HIPK3: variants seen among roughly 807,000 people sequenced by gnomAD.
HIPK3 encodes homeodomain-interacting protein kinase 3.
A neutral mutation model predicts 124.2 loss-of-function variants in HIPK3; 47 were observed. That is an observed-to-expected ratio of 0.38 (90% confidence interval 0.30 to 0.48). The LOEUF (loss-of-function observed/expected upper bound fraction) is 0.48, where lower values mean the gene tolerates loss of function less well. Among genes scored for constraint, HIPK3 ranks in the 20% least tolerant of loss-of-function variants. The pLI, the probability that HIPK3 is intolerant of heterozygous loss-of-function variation, is 0.98. For synonymous variants in HIPK3, 482 were observed against 515.2 expected (o/e 0.94, Z 0.87); for missense variants, 1,286 against 1,454.3 (o/e 0.88, Z 1.88).
intron 1 of HIPK3, among the ~76,000 whole-genome samples, chr11:33,285,872 A>G (rs1334550152): frequency 2.6e-5 from 4 of 152,112 alleles, no homozygotes; most frequent in Middle Eastern, 3.4e-3. Context: ...CCCAGGTTCA[A>G]GCGATTCTCC....
At chr11:33,348,909 C>A in intron 13 of HIPK3, 91 bp downstream of exon 13, 2 of 1,240,558 alleles carry the variant, frequency 1.6e-6, no homozygotes, top group Non-Finnish European at 2.2e-6. Context: ...TCTTGTTTGT[C>A]AATGTACTCT....
chr11:33,303,324 A>G (rs1270668833), intron 2 of HIPK3, among the ~76,000 whole-genome samples: 7 of 152,146 alleles, frequency 4.6e-5, no homozygotes, highest in Non-Finnish European at 8.8e-5. Context: ...ATTTACAAGG[A>G]AAAAAAGTCT....
At chr11:33,291,972 C>T (rs1312934882) in intron 2 of HIPK3, among the ~76,000 whole-genome samples, 1 of 152,154 alleles carries the variant, frequency 6.6e-6, no homozygotes, top group East Asian at 1.9e-4. Context: ...TCTTTCATGG[C>T]ATTCTTACCT....
chr11:33,292,708 A>T (rs1375735503), intron 2 of HIPK3, among the ~76,000 whole-genome samples: 2 of 152,174 alleles, frequency 1.3e-5, no homozygotes, highest in Admixed American at 6.5e-5. Context: ...GTTTAGTTTT[A>T]ATAGAAGATT....
upstream of HIPK3, among the ~76,000 whole-genome samples, chr11:33,257,167 G>C (rs996284268): frequency 6.6e-6 from 1 of 152,102 alleles, no homozygotes; most frequent in East Asian, 1.9e-4. Flanking sequence ...TCCGGGTTGG[G>C]GCCGCACGGG....
Position 33,351,636 on chromosome 11 carries a change from T to C in HIPK3, c.2836T>C (p.Cys946Arg). 6.2e-7 allele frequency: 1 copy of C among 1,614,176 alleles called. No individual in the cohort carries two copies. The part of the protein sequence containing the change: ...SMSDEEQESS[C>R]DTVDGSPTSD... ...GTCAGATGAAGAGCAAGAAAGTAGT[T>C]GTGATACGGTGGATGGCTCTCCGAC... is the stretch of plus-strand genomic sequence containing the variant. Residue 946 changes from cysteine to arginine, a missense_variant, in exon 15 of 17, where the codon TGT becomes CGT. Physicochemically the swap from Cys to Arg is radical, Grantham distance 180. Coordinates refer to ENST00000303296, the MANE Select transcript of HIPK3 (RefSeq NM_005734.5).
chr11:33,273,579 G>A (rs1010361283), intron 1 of HIPK3, among the ~76,000 whole-genome samples: 2 of 150,354 alleles, frequency 1.3e-5, no homozygotes, highest in Non-Finnish European at 3.0e-5. Flanking sequence ...CTTAAAAAGG[G>A]CATTTATATA....
intron 8 of HIPK3, among the ~76,000 whole-genome samples, chr11:33,345,952 T>C (rs1014334075): frequency 6.6e-6 from 1 of 152,226 alleles, no homozygotes; most frequent in African/African-American, 2.4e-5. Flanking sequence ...TTTTCTCTTA[T>C]GCCTGAAGAG....
Position 33,257,466 on chromosome 11 carries a change from G to T in HIPK3, c.-426G>T. ...AGGCCCCGCCGTCGCCACCACTCCCGCCAGTCTTCCTTCTCCGCTCCCGGC... is the reference window on the plus strand; with the variant it reads ...AGGCCCCGCCGTCGCCACCACTCCCTCCAGTCTTCCTTCTCCGCTCCCGGC... On this transcript the variant is annotated 5_prime_UTR_variant, in exon 1 of 17. Coordinates refer to ENST00000303296, the MANE Select transcript of HIPK3 (RefSeq NM_005734.5). 1.0e-6 allele frequency: 1 copy of T among 985,802 alleles called. No homozygotes were observed. The highest frequency in any genetic ancestry group is 1.2e-6 in the Non-Finnish European group (1 of 830,318). The allele number at this position is 985,802 out of a possible 1,614,324, so 61.1% of individuals were successfully genotyped here.
intron 2 of HIPK3, among the ~76,000 whole-genome samples, chr11:33,308,750 T>TC (rs1852240130): frequency 6.6e-6 from 1 of 151,358 alleles, no homozygotes; most frequent in Non-Finnish European, 1.5e-5. Context: ...AACTTTTTTT[T>TC]TTTTTTTAAC....
chr11:33,269,973 T>C (rs1263659053), intron 1 of HIPK3, among the ~76,000 whole-genome samples: 1 of 152,092 alleles, frequency 6.6e-6, no homozygotes, highest in Non-Finnish European at 1.5e-5. Context: ...TGTATACCTG[T>C]ATATGGTTTT....
chr11:33,329,908 C>T (rs185684817), intron 3 of HIPK3, among the ~76,000 whole-genome samples: 1 of 152,272 alleles, frequency 6.6e-6, no homozygotes, highest in African/African-American at 2.4e-5. Context: ...GGCATGCATA[C>T]CGCCCTGGAG....
chr11:33,302,339 CTTCTT>C (rs1852027489), intron 2 of HIPK3, among the ~76,000 whole-genome samples: 1 of 121,140 alleles, frequency 8.3e-6, no homozygotes, highest in South Asian at 2.6e-4. Flanking sequence ...TAATTCCTTA[CTTCTT>C]TTTTTTTTTT....
At chr11:33,307,518 C>T (rs889810404) in intron 2 of HIPK3, among the ~76,000 whole-genome samples, 5 of 151,020 alleles carry the variant, frequency 3.3e-5, no homozygotes, top group African/African-American at 1.2e-4. Context: ...CCTGCCTTAG[C>T]CCCCCGAGTA....
chr11:33,287,276 C>T lies in HIPK3; in HGVS notation c.862C>T (p.Gln288Ter), dbSNP rs767041104. The stretch of plus-strand genomic sequence containing the variant: ...ACAAAACTTGTATGACTTTCTGAAA[C>T]AAAATAAATTTAGTCCCCTGCCACT... ...LEQNLYDFLKQNKFSPLPLKV... is the reference protein window; with the variant it reads ...LEQNLYDFLK Residue 288 changes from glutamine (Q) to a stop codon, truncating the protein, a stop_gained, in exon 2 of 17, where the codon CAA becomes TAA. Transcript: ENST00000303296. LOFTEE classifies it high-confidence loss of function. 1 of 1,612,754 alleles carries T rather than the reference C, an allele frequency of 6.2e-7. No homozygotes were observed. The highest frequency in any genetic ancestry group is 1.7e-5 in the Admixed American group (1 of 59,996).
At chr11:33,341,746 A>G in intron 8 of HIPK3, 60 bp downstream of exon 8, 4 of 1,447,802 alleles carry the variant, frequency 2.8e-6, no homozygotes, top group Non-Finnish European at 3.8e-6. Context: ...AAATAAGTTT[A>G]GGAATCTGTT....
chr11:33,266,235 G>A (rs978686887), intron 1 of HIPK3, among the ~76,000 whole-genome samples: 3 of 151,708 alleles, frequency 2.0e-5, no homozygotes, highest in Admixed American at 6.6e-5. Context: ...ATTTGTATAT[G>A]TGCACCTAAG....
chr11:33,341,067 T>C lies in HIPK3; in HGVS notation c.1713T>C (p.Ala571=), dbSNP rs1243685494. The part of the protein sequence containing the change: ...HNKTSLLRPV[A]SSSTATLTAN... ...AAACTTCACTTTTAAGACCAGTTGCTTCAAGCAGTACTGCTACACTGACTG... is the reference window on the plus strand; with the variant it reads ...AAACTTCACTTTTAAGACCAGTTGCCTCAAGCAGTACTGCTACACTGACTG... Residue 571 remains alanine, a synonymous_variant, in exon 7 of 17, where the codon GCT becomes GCC. Coordinates refer to ENST00000303296, the MANE Select transcript of HIPK3 (RefSeq NM_005734.5). 1.2e-6 allele frequency: 2 copies of C among 1,612,376 alleles called. No individual in the cohort carries two copies. Among genetic ancestry groups the C allele is most frequent in the Non-Finnish European group, 1.7e-6 (2 of 1,179,076 alleles).
chr11:33,272,791 C>CACCCT (rs1472286661), intron 1 of HIPK3, among the ~76,000 whole-genome samples: 1 of 122,952 alleles, frequency 8.1e-6, no homozygotes, highest in African/African-American at 3.0e-5. Context: ...CCCTCCCTCC[C>CACCCT]TCCTTCCTTC....
Sources: allele counts gnomAD v4.1 joint callset (sites outside exome capture counted in the v4.1 genomes callset), GRCh38; gene constraint gnomAD v4.1.1; transcripts MANE v1.5; gene names NCBI Gene and HGNC (gene_info 2026-07-23, HGNC 2026-07-21).